SLC39A11: variants seen among roughly 807,000 people sequenced by gnomAD.
SLC39A11 encodes zinc transporter ZIP11.
SLC39A11 carries 33 observed loss-of-function variants against 36.1 expected under a neutral mutation model. The observed-to-expected ratio is 0.91, with a 90% CI of 0.69 to 1.22. SLC39A11 has a LOEUF of 1.22. SLC39A11 is among the 50% of genes most tolerant of loss of function. The probability of loss-of-function intolerance (pLI) is 0.00; values close to 1 mark genes in which losing one functional copy is unlikely to be tolerated. For synonymous variants in SLC39A11, 166 were observed against 170.3 expected, an observed-to-expected ratio of 0.97 and a Z score of 0.20; for missense variants, 432 against 430.3, an observed-to-expected ratio of 1.00 and a Z score of -0.03.
At chr17:72,794,685 G>A (rs182565267) in intron 6 of SLC39A11, among the ~76,000 whole-genome samples, 27 of 151,952 alleles carry the variant, frequency 1.8e-4, no homozygotes, top group Non-Finnish European at 3.2e-4. Flanking sequence ...TGGGACACTC[G>A]CCTCCCTCTT....
intron 7 of SLC39A11, among the ~76,000 whole-genome samples, chr17:72,705,493 C>T (rs1166916869): frequency 2.0e-5 from 3 of 152,220 alleles, no homozygotes; most frequent in African/African-American, 4.8e-5. Flanking sequence ...TTGACACCAG[C>T]TGGCCACTTG....
intron 7 of SLC39A11, among the ~76,000 whole-genome samples, chr17:72,657,476 C>T (rs540845316): frequency 1.8e-4 from 27 of 152,202 alleles, no homozygotes; most frequent in Non-Finnish European, 3.4e-4. Context: ...CACTTGACTG[C>T]CCTGACTTTG....
chr17:73,067,963 A>G, intron 3 of SLC39A11: 1 of 1,595,306 alleles, frequency 6.3e-7, no homozygotes, highest in Non-Finnish European at 8.6e-7. Context: ...CTGGGGAAGG[A>G]GCAAAGGACT....
chr17:72,658,380 A>AG (rs775707636), intron 7 of SLC39A11, among the ~76,000 whole-genome samples: 3 of 152,206 alleles, frequency 2.0e-5, no homozygotes, highest in Non-Finnish European at 2.9e-5. Flanking sequence ...CTAGGTAAGA[A>AG]GGGCCTCCCT....
intron 6 of SLC39A11, among the ~76,000 whole-genome samples, chr17:72,846,018 C>CTCTTTTTT (rs2079035587): frequency 1.0e-4 from 6 of 57,950 alleles, no homozygotes; most frequent in South Asian, 6.9e-4. Flanking sequence ...CTCTCTCTCT[C>CTCTTTTTT]TTTTTTTTTT....
At chr17:72,865,641 C>A (rs1042749533) in intron 5 of SLC39A11, among the ~76,000 whole-genome samples, 1 of 151,782 alleles carries the variant, frequency 6.6e-6, no homozygotes, top group East Asian at 1.9e-4. Flanking sequence ...AATGCAGCCA[C>A]CAGAGAAGGA....
chr17:72,793,645 G>C (rs1017062156), intron 6 of SLC39A11, among the ~76,000 whole-genome samples: 13 of 152,042 alleles, frequency 8.6e-5, no homozygotes, highest in African/African-American at 3.1e-4. Flanking sequence ...ACCCAGGCTG[G>C]TCTCAAACTC....
In SLC39A11 at chr17:73,047,990, AATATAT is replaced by A. The variant is rs151142811; in HGVS notation, c.148-16282_148-16277del. On this transcript the variant is annotated intron_variant, in intron 3 of 9. Transcript: ENST00000255559. The stretch of plus-strand genomic sequence containing the variant: ...TCAAAAAAAAAAAAAAAAAAAAAAA[AATATAT>A]ATATATATATATATATATATATATA... Among the ~76,000 whole-genome samples the A allele has an allele frequency of 2.3e-3, 135 of 58,616 alleles. 2 individuals are homozygous for A. The highest frequency in any genetic ancestry group is 6.4e-3 in the East Asian group (12 of 1,880). The allele number at this position is 58,616 out of a possible 152,430, so 38.5% of individuals were successfully genotyped here.
intron 6 of SLC39A11, among the ~76,000 whole-genome samples, chr17:72,802,887 G>A (rs941647759): frequency 6.6e-6 from 1 of 152,132 alleles, no homozygotes; most frequent in Non-Finnish European, 1.5e-5. Context: ...AGTCCCCATC[G>A]CACACGACTG....
intron 5 of SLC39A11, among the ~76,000 whole-genome samples, chr17:72,930,245 C>T (rs2084303097): frequency 6.6e-6 from 1 of 152,188 alleles, no homozygotes; most frequent in Admixed American, 6.5e-5. Context: ...TGTAGCCCTT[C>T]CTGTTCCCTT....
At chr17:72,866,344 G>C (rs563265446) in intron 5 of SLC39A11, among the ~76,000 whole-genome samples, 2 of 152,050 alleles carry the variant, frequency 1.3e-5, no homozygotes, top group African/African-American at 4.8e-5. Flanking sequence ...AAACAAGCTC[G>C]GGGCTCCCAC....
chr17:72,995,479 C>T (rs1231232429), intron 4 of SLC39A11, among the ~76,000 whole-genome samples: 1 of 152,182 alleles, frequency 6.6e-6, no homozygotes, highest in Non-Finnish European at 1.5e-5. Flanking sequence ...ATACTATTTC[C>T]AGGTGTGTCT....
At chr17:72,880,594 G>A (rs766499153) in intron 5 of SLC39A11, among the ~76,000 whole-genome samples, 34 of 151,572 alleles carry the variant, frequency 2.2e-4, no homozygotes, top group Admixed American at 4.6e-4. Flanking sequence ...GTATTGCAGA[G>A]AGGAGACAAG....
At chr17:72,920,900 C>T (rs966194556) in intron 5 of SLC39A11, among the ~76,000 whole-genome samples, 3 of 152,084 alleles carry the variant, frequency 2.0e-5, no homozygotes, top group Non-Finnish European at 4.4e-5. Flanking sequence ...ATACGTCTTA[C>T]CCCCTTATCT....
intron 3 of SLC39A11, among the ~76,000 whole-genome samples, chr17:73,076,022 A>T (rs2060308384): frequency 6.6e-6 from 1 of 152,228 alleles, no homozygotes; most frequent in South Asian, 2.1e-4. Flanking sequence ...TGTACACAGT[A>T]AGGACTCAAT....
intron 6 of SLC39A11, among the ~76,000 whole-genome samples, chr17:72,747,838 A>C (rs766036668): frequency 6.6e-5 from 10 of 152,224 alleles, no homozygotes; most frequent in Non-Finnish European, 1.2e-4. Context: ...TATTATTGCC[A>C]AGGAATCCCT....
intron 3 of SLC39A11, among the ~76,000 whole-genome samples, chr17:73,045,450 A>G (rs903101): frequency 0.79 from 114,819 of 145,322 alleles, 46,533 homozygotes; most frequent in East Asian, 0.93. Context: ...CTAAGCTCCT[A>G]TATTTCTTTT....
chr17:72,726,693 G>C (rs963778578), intron 7 of SLC39A11, among the ~76,000 whole-genome samples: 1 of 152,146 alleles, frequency 6.6e-6, no homozygotes, highest in African/African-American at 2.4e-5. Flanking sequence ...ATAAAGGGTT[G>C]CTTTGTTAAC....
chr17:72,955,427 C>T (rs1171980852), intron 4 of SLC39A11, among the ~76,000 whole-genome samples: 3 of 150,296 alleles, frequency 2.0e-5, no homozygotes, highest in African/African-American at 4.9e-5. Context: ...CTCAGCCTCT[C>T]GAGTAGTTGG....
Sources: allele counts gnomAD v4.1 joint callset (sites outside exome capture counted in the v4.1 genomes callset), GRCh38; gene constraint gnomAD v4.1.1; transcripts MANE v1.5; gene names NCBI Gene and HGNC (gene_info 2026-07-23, HGNC 2026-07-21).